XXYLT1: variants seen among roughly 807,000 people sequenced by gnomAD.
The protein encoded by XXYLT1 is UDP-xylose:alpha-xyloside alpha-1,3-xylosyltransferase.
XXYLT1 carries 20 observed loss-of-function variants against 28.9 expected under a neutral mutation model. The ratio of observed to expected loss-of-function variants is 0.69; its 90% CI spans 0.49 to 1.00. The LOEUF (loss-of-function observed/expected upper bound fraction) is 1.00. XXYLT1 is among the 50% of genes least tolerant of loss of function. The pLI is 0.00. For missense variants in XXYLT1, 542 were observed against 560.1 expected, an observed-to-expected ratio of 0.97 and a Z score of 0.33; for synonymous variants, 257 against 253.8, an observed-to-expected ratio of 1.01 and a Z score of -0.12.
intron 2 of XXYLT1, chr3:195,207,576 G>A (rs764239486): frequency 4.9e-5 from 21 of 425,908 alleles, no homozygotes; most frequent in South Asian, 2.7e-4. Flanking sequence ...CAAAGGTGCC[G>A]CCTCCTTGGC....
chr3:195,214,767 T>C (rs1414109477), intron 2 of XXYLT1: 2 of 152,228 alleles, frequency 1.3e-5, no homozygotes, highest in Non-Finnish European at 2.9e-5. Context: ...TCATGACGGC[T>C]AATTAAACAT....
At chr3:195,211,095 G>A (rs1232237679) in intron 2 of XXYLT1, among the ~76,000 whole-genome samples, 1 of 152,190 alleles carries the variant, frequency 6.6e-6, no homozygotes, top group Non-Finnish European at 1.5e-5. Context: ...GTGGGGTTCA[G>A]AAAAAGGGCA....
chr3:195,266,768 TAC>T (rs1388625275), intron 1 of XXYLT1, among the ~76,000 whole-genome samples: 1 of 152,148 alleles, frequency 6.6e-6, no homozygotes, highest in East Asian at 1.9e-4. Flanking sequence ...TCCATCCAAA[TAC>T]AGACTTCCAG....
At chr3:195,175,659 G>C (rs2108726374) in intron 2 of XXYLT1, 1 of 1,536,180 alleles carries the variant, frequency 6.5e-7, no homozygotes, top group East Asian at 2.4e-5. Context: ...GATCCTTGCA[G>C]CGAGGTGGCC....
chr3:195,169,260 C>T (rs7633328), intron 2 of XXYLT1, among the ~76,000 whole-genome samples: 6,228 of 152,318 alleles, frequency 0.041, 430 homozygotes, highest in African/African-American at 0.14. Flanking sequence ...CATCCCGGCA[C>T]GGCAGCCGGG....
In XXYLT1 at chr3:195,109,954, ATG is replaced by A. The variant is rs1214304825; in HGVS notation, c.786-39845_786-39844del. Reference sequence around the variant, plus strand: ...GTGTGTGGTATATGAGTGTGCGTGCATGTGTGTGTGTTGTGTGTATGTGTGTG... The same window carrying A: ...GTGTGTGGTATATGAGTGTGCGTGCATGTGTGTGTTGTGTGTATGTGTGTG... On this transcript the variant is annotated intron_variant, in intron 3 of 3. Transcript: ENST00000310380. Among the ~76,000 whole-genome samples the A allele has an allele frequency of 3.3e-4, 9 of 27,210 alleles. 3 individuals carry two copies. Among genetic ancestry groups the A allele is most frequent in the African/African-American group, 9.9e-4 (8 of 8,084 alleles). The allele number at this position is 27,210 out of a possible 152,430, so 17.9% of individuals were successfully genotyped here.
intron 3 of XXYLT1, among the ~76,000 whole-genome samples, chr3:195,131,676 A>G (rs1272730895): frequency 6.6e-6 from 1 of 152,196 alleles, no homozygotes; most frequent in Non-Finnish European, 1.5e-5. Flanking sequence ...GAGCACAAGC[A>G]GGGGCAGGGC....
chr3:195,090,786 TA>T (rs202167600), intron 3 of XXYLT1, among the ~76,000 whole-genome samples: 14,557 of 149,370 alleles, frequency 0.097, 879 homozygotes, highest in East Asian at 0.24. Flanking sequence ...CTAGCAAGAC[TA>T]ATAAAGAAAA....
At chr3:195,226,440 G>A (rs986341242) in intron 2 of XXYLT1, among the ~76,000 whole-genome samples, 4 of 152,214 alleles carry the variant, frequency 2.6e-5, no homozygotes, top group South Asian at 2.1e-4. Flanking sequence ...AGAAGGGGGC[G>A]AGTGCAAGGG....
At chr3:195,100,648 C>T (rs73206626) in intron 3 of XXYLT1, among the ~76,000 whole-genome samples, 19,904 of 152,110 alleles carry the variant, frequency 0.13, 1,552 homozygotes, top group South Asian at 0.29. Flanking sequence ...GGCCTACACA[C>T]GCTACCCTCA....
At chr3:195,247,125 G>A (rs1385236253) in intron 1 of XXYLT1, among the ~76,000 whole-genome samples, 2 of 152,120 alleles carry the variant, frequency 1.3e-5, no homozygotes, top group African/African-American at 2.4e-5. Flanking sequence ...AGTAGAAGCC[G>A]TTTTTCTACA....
intron 1 of XXYLT1, among the ~76,000 whole-genome samples, chr3:195,254,248 A>G (rs147868522): frequency 3.3e-5 from 5 of 152,332 alleles, no homozygotes; most frequent in African/African-American, 1.2e-4. Context: ...ACCACAGGTT[A>G]AATTTGCCCT....
chr3:195,159,129 C>T (rs1257079790), intron 2 of XXYLT1, among the ~76,000 whole-genome samples: 1 of 152,136 alleles, frequency 6.6e-6, no homozygotes, highest in Non-Finnish European at 1.5e-5. Flanking sequence ...ACCTAAGAAT[C>T]ATGAGGAAGA....
At chr3:195,126,937 A>G (rs1201828622) in intron 3 of XXYLT1, among the ~76,000 whole-genome samples, 1 of 152,258 alleles carries the variant, frequency 6.6e-6, no homozygotes, top group Admixed American at 6.5e-5. Context: ...AGACTCTCAC[A>G]GGGAAGCAGA....
chr3:195,105,225 C>T (rs1477755455), intron 3 of XXYLT1, among the ~76,000 whole-genome samples: 20 of 152,204 alleles, frequency 1.3e-4, no homozygotes, highest in Admixed American at 1.3e-3. Context: ...GGGACACAAC[C>T]AAGTGTGTCA....
At chr3:195,088,228 G>A (rs1005102210) in intron 3 of XXYLT1, among the ~76,000 whole-genome samples, 3 of 151,546 alleles carry the variant, frequency 2.0e-5, no homozygotes, top group African/African-American at 7.3e-5. Flanking sequence ...CACCTCTGGG[G>A]GCAGGGCACA....
chr3:195,104,257 A>C (rs1716970154), intron 3 of XXYLT1, among the ~76,000 whole-genome samples: 1 of 149,182 alleles, frequency 6.7e-6, no homozygotes, highest in Admixed American at 6.7e-5. Flanking sequence ...ATTTTATGAG[A>C]GGGCAGATGC....
chr3:195,192,495 A>T (rs1183593404), intron 2 of XXYLT1, among the ~76,000 whole-genome samples: 1 of 152,220 alleles, frequency 6.6e-6, no homozygotes, highest in Non-Finnish European at 1.5e-5. Flanking sequence ...ACACTTCCCA[A>T]CTCATTCTAT....
chr3:195,181,262 T>TCTGCGTGGCTGCGTGG (rs879504798), intron 2 of XXYLT1, among the ~76,000 whole-genome samples: 2 of 120,254 alleles, frequency 1.7e-5, no homozygotes, highest in African/African-American at 7.8e-5. Flanking sequence ...TGGCTGTGTA[T>TCTGCGTGGCTGCGTGG]CTGCGTGGCT....
Sources: gnomAD v4.1 joint callset for allele counts (sites outside exome capture counted in the v4.1 genomes callset) on GRCh38, gnomAD v4.1.1 for gene constraint, MANE v1.5 for transcripts, NCBI Gene and HGNC (gene_info 2026-07-23, HGNC 2026-07-21) for gene names.